The following NOMO3 variants were observed in gnomAD, a reference collection of about 807,000 sequenced individuals.
NOMO3 encodes NODAL modulator 3, also known as BOS complex subunit NOMO3.
A neutral mutation model predicts 69.9 loss-of-function variants in NOMO3; 15 were observed. The observed-to-expected ratio is 0.21, with a 90% CI of 0.14 to 0.33. NOMO3 has a LOEUF of 0.33. Ranked by LOEUF, NOMO3 falls within the 10% of genes least tolerant of loss-of-function variation. The pLI is 1.00. For synonymous variants in NOMO3, 89 were observed against 301.9 expected (o/e 0.29, Z 7.31); for missense variants, 218 against 761.0 (o/e 0.29, Z 8.39).
chr16:16,266,932 T>G lies in NOMO3; in HGVS notation c.1807-112T>G, dbSNP rs2141261717. On this transcript the variant is annotated intron_variant, in intron 15 of 30. Coordinates refer to ENST00000399336, the MANE Select transcript of NOMO3 (RefSeq NM_001004067.4). ...TAATTTTCCTGTGGCACCCAACTGCTCCAATGATTAATGGGCAAAACAGAT... is the reference window on the plus strand; with the variant it reads ...TAATTTTCCTGTGGCACCCAACTGCGCCAATGATTAATGGGCAAAACAGAT... 3 of 542,628 alleles carry G rather than the reference T, an allele frequency of 5.5e-6. 1 individual carries two copies. The highest frequency in any genetic ancestry group is 1.0e-3 in the Middle Eastern group (2 of 1,990). The allele number at this position is 542,628 out of a possible 1,614,324, so 33.6% of individuals were successfully genotyped here. A position where few individuals can be genotyped will look rare whatever the true frequency, so the allele number is the denominator to read the frequency against.
intron 16 of NOMO3, chr16:16,267,411 G>C: frequency 2.2e-6 from 1 of 453,716 alleles, no homozygotes; most frequent in Non-Finnish European, 3.8e-6. Flanking sequence ...TCTTTCAGTG[G>C]CTTCTCGCTC....
Position 16,270,259 on chromosome 16 carries a change from A to G in NOMO3, c.1958+75A>G. 8 of 1,582,274 alleles carry G rather than the reference A, an allele frequency of 5.1e-6. 1 individual carries two copies. The highest frequency in any genetic ancestry group is 6.8e-6 in the Non-Finnish European group (8 of 1,175,738). ...GGATTCTTCATTTACTTCAGAGAAC[A>G]AAAGGAGTTTTTCTGTTTTTTTTCT... On this transcript the variant is annotated intron_variant, in intron 17 of 30. Transcript: ENST00000399336.
intron 9 of NOMO3, 126 bp from the exon 10 acceptor site, chr16:16,255,594 G>A (rs2141254973): frequency 1.5e-6 from 1 of 653,386 alleles, no homozygotes; most frequent in Non-Finnish European, 2.7e-6. Context: ...CAGGACCGGG[G>A]CACTGAGTGT....
chr16:16,236,638 G>A (rs1439287050), intron 1 of NOMO3, among the ~76,000 whole-genome samples: 1 of 144,726 alleles, frequency 6.9e-6, no homozygotes, highest in African/African-American at 2.8e-5. Flanking sequence ...CCTAGAGGCA[G>A]CCACTAAAAT....
intron 11 of NOMO3, among the ~76,000 whole-genome samples, chr16:16,260,678 G>A (rs2049556719): frequency 7.1e-6 from 1 of 141,484 alleles, no homozygotes; most frequent in South Asian, 2.2e-4. Context: ...AATGATTCTT[G>A]AAGATTCTTT....
chr16:16,262,884 G>A lies in NOMO3; in HGVS notation c.1396-190G>A, dbSNP rs2049576106. 2.1e-5 allele frequency among the ~76,000 whole-genome samples: 3 copies of A among 142,620 alleles called. 1 individual carries two copies. The South Asian group carries it at 6.6e-4, about 31-fold the overall frequency. 93.6% of individuals were successfully genotyped at this position (142,620 alleles called of 152,430 possible). A position where few individuals can be genotyped will look rare whatever the true frequency, so the allele number is the denominator to read the frequency against. On this transcript the variant is annotated intron_variant, in intron 12 of 30. Transcript: ENST00000399336. ...GTCTGTTGAGGCTAATTTTTCATCT[G>A]GGTAGAACCGTGCTTACTTCACACA...
At chr16:16,237,446 G>C (rs996633471) in intron 2 of NOMO3, among the ~76,000 whole-genome samples, 1 of 144,728 alleles carries the variant, frequency 6.9e-6, no homozygotes, top group African/African-American at 2.8e-5. Context: ...GAAAGTCAAG[G>C]TCTTTAGAAG....
intron 6 of NOMO3, among the ~76,000 whole-genome samples, chr16:16,248,395 CTTT>C (rs1243080622): frequency 8.7e-4 from 57 of 65,276 alleles, no homozygotes; most frequent in African/African-American, 3.5e-3. Context: ...CAGATACAGT[CTTT>C]TTTTTTTTTT....
At chr16:16,239,062 A>G (rs1330801565) in intron 2 of NOMO3, among the ~76,000 whole-genome samples, 3 of 139,920 alleles carry the variant, frequency 2.1e-5, no homozygotes, top group African/African-American at 9.0e-5. Context: ...TGGGCAACAG[A>G]GCGAGGCTCC....
At chr16:16,260,378 C>T (rs1192668169) in intron 11 of NOMO3, among the ~76,000 whole-genome samples, 1 of 139,724 alleles carries the variant, frequency 7.2e-6, no homozygotes, top group Non-Finnish European at 1.5e-5. Context: ...TTCTTTTTCT[C>T]GGCTTGCAGT....
intron 1 of NOMO3, among the ~76,000 whole-genome samples, chr16:16,236,427 T>C (rs1478646680): frequency 7.0e-6 from 1 of 141,962 alleles, no homozygotes; most frequent in Non-Finnish European, 1.5e-5. Flanking sequence ...TTTGTATTTT[T>C]AGTAGGGACA....
At chr16:16,243,298 TC>T in intron 4 of NOMO3, 37 bp downstream of exon 4, 4 of 631,444 alleles carry the variant, frequency 6.3e-6, no homozygotes, top group Non-Finnish European at 1.1e-5. Flanking sequence ...TCCTGTTCAC[TC>T]TATAATGTAT....
Position 16,259,042 on chromosome 16 carries a change from T to C in NOMO3, c.1221-2460T>C, listed in dbSNP as rs1001519629. Among the ~76,000 whole-genome samples, 21 of 142,410 alleles carry C rather than the reference T, an allele frequency of 1.5e-4. 2 individuals are homozygous for C. Among genetic ancestry groups the C allele is most frequent in the South Asian group, 2.2e-4 (1 of 4,524 alleles). The allele number at this position is 142,410 out of a possible 152,430, so 93.4% of individuals were successfully genotyped here. A position where few individuals can be genotyped will look rare whatever the true frequency, so the allele number is the denominator to read the frequency against. On this transcript the variant is annotated intron_variant, in intron 11 of 30. Coordinates refer to ENST00000399336, the MANE Select transcript of NOMO3 (RefSeq NM_001004067.4). Reference sequence around the variant, plus strand: ...TGTCTGGAGGAGATATGGTAGTGGCTGGGCCCAGGCGGCTGGCAGGCGAGG... The same window carrying C: ...TGTCTGGAGGAGATATGGTAGTGGCCGGGCCCAGGCGGCTGGCAGGCGAGG...
chr16:16,256,357 C>T (rs1253989296), intron 11 of NOMO3, among the ~76,000 whole-genome samples, 199 bp downstream of exon 11: 1 of 118,208 alleles, frequency 8.5e-6, no homozygotes, highest in Non-Finnish European at 1.6e-5. Context: ...CTCACTGCAA[C>T]CTCTGCCTCC....
At chr16:16,247,200 AGT>A in intron 5 of NOMO3, 193 bp from the exon 6 acceptor site, 1 of 311,628 alleles carries the variant, frequency 3.2e-6, no homozygotes, top group Non-Finnish European at 5.8e-6. Context: ...CTTGGCACAC[AGT>A]AAGTGCTCAA....
At chr16:16,274,287 A>T (rs1424136695) in intron 20 of NOMO3, among the ~76,000 whole-genome samples, 2 of 128,386 alleles carry the variant, frequency 1.6e-5, no homozygotes, top group Non-Finnish European at 3.3e-5. Flanking sequence ...GGATGGATGG[A>T]TGGATGGATG....
chr16:16,267,356 A>G, intron 16 of NOMO3: 1 of 500,282 alleles, frequency 2.0e-6, no homozygotes, highest in South Asian at 3.2e-5. Flanking sequence ...GCCTCTCTTT[A>G]TAGAGCTGTT....
intron 3 of NOMO3, among the ~76,000 whole-genome samples, chr16:16,240,768 T>G (rs1193292641): frequency 7.0e-6 from 1 of 143,106 alleles, no homozygotes; most frequent in Non-Finnish European, 1.5e-5. Flanking sequence ...TGCTCGTGCA[T>G]TAGACAAGGA....
In NOMO3 at chr16:16,255,768, G is replaced by A. The variant is rs770035084; in HGVS notation, c.1012G>A (p.Gly338Arg). The A allele has an allele frequency of 2.2e-5, 34 of 1,576,930 alleles. 1 individual carries two copies. The highest frequency in any genetic ancestry group is 2.6e-5 in the Non-Finnish European group (30 of 1,171,092). The stretch of plus-strand genomic sequence containing the variant: ...CTCCGTCACCGGGAGGGTCTTGAAC[G>A]GACCCGAAGGAGATGGTGTTCCAGA... ...GFSVTGRVLN[G>R]PEGDGVPEAV... Residue 338 changes from glycine to arginine, a missense_variant, in exon 10 of 31, where the codon GGA becomes AGA. Coordinates refer to ENST00000399336, the MANE Select transcript of NOMO3 (RefSeq NM_001004067.4).
Sources: allele counts gnomAD v4.1 joint callset (sites outside exome capture counted in the v4.1 genomes callset), GRCh38; gene constraint gnomAD v4.1.1; transcripts MANE v1.5; gene names NCBI Gene and HGNC (gene_info 2026-07-23, HGNC 2026-07-21).